RSU1: variants seen among roughly 807,000 people sequenced by gnomAD.
RSU1 encodes Ras suppressor protein 1, also known as rsu-1.
In RSU1, 26 loss-of-function variants were observed where a neutral mutation model predicts 31.1. The ratio of observed to expected loss-of-function variants is 0.84; its 90% confidence interval spans 0.61 to 1.16. RSU1 has a LOEUF of 1.16. Ranked by LOEUF, RSU1 falls within the 50% of genes most tolerant of loss-of-function variation. The probability of loss-of-function intolerance (pLI) is 0.00; values close to 1 mark genes in which losing one functional copy is unlikely to be tolerated. For synonymous variants in RSU1, 164 were observed against 136.3 expected, an observed-to-expected ratio of 1.20 and a Z score of -1.41; for missense variants, 320 against 339.1, an observed-to-expected ratio of 0.94 and a Z score of 0.44.
intron 3 of RSU1, 59 bp from the exon 4 acceptor site, chr10:16,764,569 C>G: frequency 6.5e-7 from 1 of 1,541,346 alleles, no homozygotes; most frequent in South Asian, 1.2e-5. Context: ...CAAGGGATGG[C>G]AGCGGCACAT....
At chr10:16,788,246 C>A (rs1251125173) in intron 2 of RSU1, among the ~76,000 whole-genome samples, 3 of 152,178 alleles carry the variant, frequency 2.0e-5, no homozygotes, top group Non-Finnish European at 4.4e-5. Context: ...AGTCCAGAGG[C>A]CCCTGGTTTC....
chr10:16,713,627 C>G (rs897795498), intron 7 of RSU1, among the ~76,000 whole-genome samples: 2 of 152,174 alleles, frequency 1.3e-5, no homozygotes, highest in African/African-American at 4.8e-5. Flanking sequence ...GCTGTATTCT[C>G]TTGTATCTCC....
intron 2 of RSU1, among the ~76,000 whole-genome samples, chr10:16,799,141 T>C (rs1052735249): frequency 6.6e-6 from 1 of 152,190 alleles, no homozygotes; most frequent in African/African-American, 2.4e-5. Context: ...AATGGCTATA[T>C]GTGCTGAAAA....
At chr10:16,647,447 G>C (rs1002962875) in intron 8 of RSU1, among the ~76,000 whole-genome samples, 1 of 152,136 alleles carries the variant, frequency 6.6e-6, no homozygotes. Flanking sequence ...AAACTTGTAC[G>C]GAAATGTTCA....
At chr10:16,782,412 G>A (rs926988859) in intron 2 of RSU1, among the ~76,000 whole-genome samples, 1 of 152,182 alleles carries the variant, frequency 6.6e-6, no homozygotes, top group African/African-American at 2.4e-5. Context: ...TCAATTATCT[G>A]TGCCAGTCAG....
intron 7 of RSU1, among the ~76,000 whole-genome samples, chr10:16,715,839 A>ACAT (rs1836128624): frequency 6.6e-6 from 1 of 152,202 alleles, no homozygotes; most frequent in African/African-American, 2.4e-5. Flanking sequence ...TCTGCAAAAA[A>ACAT]CATCAGCGAG....
chr10:16,709,601 C>G (rs1291635146), intron 7 of RSU1, among the ~76,000 whole-genome samples: 1 of 152,190 alleles, frequency 6.6e-6, no homozygotes, highest in Non-Finnish European at 1.5e-5. Context: ...AACTAGTTTA[C>G]AGTCCCACCA....
intron 2 of RSU1, among the ~76,000 whole-genome samples, chr10:16,800,925 CAATT>C (rs1468225242): frequency 1.4e-5 from 2 of 140,768 alleles, no homozygotes; most frequent in Non-Finnish European, 3.1e-5. Context: ...ATTAAATGCT[CAATT>C]AAAGCCACGG....
intron 8 of RSU1, among the ~76,000 whole-genome samples, chr10:16,641,474 A>G (rs1834440717): frequency 6.7e-6 from 1 of 148,854 alleles, no homozygotes; most frequent in Non-Finnish European, 1.5e-5. Context: ...CGTGGGCAAC[A>G]GGGTGAGACT....
chr10:16,756,813 G>T (rs1329061313), intron 4 of RSU1, among the ~76,000 whole-genome samples: 1 of 151,798 alleles, frequency 6.6e-6, no homozygotes, highest in Non-Finnish European at 1.5e-5. Context: ...GTGAGTGTGT[G>T]TGTGGGGTGT....
At chr10:16,691,318 C>T (rs1835544646) in intron 8 of RSU1, among the ~76,000 whole-genome samples, 1 of 148,502 alleles carries the variant, frequency 6.7e-6, no homozygotes, top group Non-Finnish European at 1.5e-5. Flanking sequence ...AAAGGAGGCC[C>T]TTAATTTTGA....
chr10:16,597,638 C>T (rs2131453807), intron 8 of RSU1, among the ~76,000 whole-genome samples: 1 of 152,252 alleles, frequency 6.6e-6, no homozygotes, highest in African/African-American at 2.4e-5. Flanking sequence ...AAAAGTAGGA[C>T]AGACATGGAG....
intron 5 of RSU1, 57 bp downstream of exon 5, chr10:16,754,814 C>T: frequency 6.7e-6 from 7 of 1,050,646 alleles, no homozygotes; most frequent in Middle Eastern, 2.1e-4. Context: ...AATAAATTTC[C>T]CTCTCAGAAC....
intron 4 of RSU1, among the ~76,000 whole-genome samples, chr10:16,755,424 T>C (rs949716843): frequency 1.4e-4 from 20 of 145,896 alleles, no homozygotes; most frequent in Non-Finnish European, 2.6e-4. Flanking sequence ...TGCCCATCCT[T>C]TTTTTTTTTT....
intron 8 of RSU1, among the ~76,000 whole-genome samples, chr10:16,647,667 G>A (rs557367731): frequency 9.9e-5 from 15 of 152,280 alleles, no homozygotes; most frequent in African/African-American, 3.4e-4. Context: ...CCAAGGGCTG[G>A]GGGAAGAGAA....
At chr10:16,679,176 C>A (rs1429593758) in intron 8 of RSU1, among the ~76,000 whole-genome samples, 1 of 152,114 alleles carries the variant, frequency 6.6e-6, no homozygotes, top group African/African-American at 2.4e-5. Flanking sequence ...ACACTCCAGA[C>A]CCCAGAATGG....
intron 8 of RSU1, among the ~76,000 whole-genome samples, chr10:16,687,380 A>G (rs1001930098): frequency 8.5e-5 from 13 of 152,352 alleles, no homozygotes; most frequent in Admixed American, 4.6e-4. Flanking sequence ...CATGAGCTAT[A>G]AAATTACAGA....
chr10:16,816,480 C>A (rs1838534347), intron 2 of RSU1, among the ~76,000 whole-genome samples: 1 of 152,160 alleles, frequency 6.6e-6, no homozygotes, highest in Admixed American at 6.5e-5. Context: ...TTCACCACAG[C>A]ATGAGGAGGT....
chr10:16,639,754 T>A (rs576766868), intron 8 of RSU1, among the ~76,000 whole-genome samples: 1 of 152,200 alleles, frequency 6.6e-6, no homozygotes, highest in Non-Finnish European at 1.5e-5. Context: ...TGTGACAATA[T>A]TGGCATCCTA....
Sources: allele counts gnomAD v4.1 joint callset (sites outside exome capture counted in the v4.1 genomes callset), GRCh38; gene constraint gnomAD v4.1.1; transcripts MANE v1.5; gene names NCBI Gene and HGNC (gene_info 2026-07-23, HGNC 2026-07-21).